Variants in SCAI observed in about 807,000 individuals in gnomAD.
The protein encoded by SCAI is protein SCAI.
A neutral mutation model predicts 92.2 loss-of-function variants in SCAI; 24 were observed. The observed-to-expected ratio is 0.26, with a 90% CI of 0.19 to 0.37. SCAI has a LOEUF of 0.37. Ranked by LOEUF, SCAI falls within the 10% of genes least tolerant of loss-of-function variation. The pLI, the probability that SCAI is intolerant of heterozygous loss-of-function variation, is 1.00. For synonymous variants in SCAI, 261 were observed against 258.6 expected, an observed-to-expected ratio of 1.01 and a Z score of -0.09; for missense variants, 450 against 736.2, an observed-to-expected ratio of 0.61 and a Z score of 4.50.
At chr9:125,022,885 C>G (rs912604686) in intron 6 of SCAI, among the ~76,000 whole-genome samples, 1 of 152,106 alleles carries the variant, frequency 6.6e-6, no homozygotes, top group Non-Finnish European at 1.5e-5. Context: ...ATTTTCCCTT[C>G]CTGCCTTTCA....
At chr9:125,077,495 C>T (rs1185633305) in intron 2 of SCAI, among the ~76,000 whole-genome samples, 1 of 152,162 alleles carries the variant, frequency 6.6e-6, no homozygotes. Context: ...CATCTGACAA[C>T]TCTATATTAA....
At chr9:124,981,634 G>A (rs977797707) in intron 14 of SCAI, among the ~76,000 whole-genome samples, 10 of 151,882 alleles carry the variant, frequency 6.6e-5, no homozygotes, top group African/African-American at 2.2e-4. Context: ...TTATCCTATC[G>A]ACATAGTTTA....
intron 5 of SCAI, 142 bp downstream of exon 5, chr9:125,028,250 A>G: frequency 1.8e-6 from 1 of 542,004 alleles, no homozygotes; most frequent in South Asian, 2.3e-5. Context: ...CATTGTCTTG[A>G]TCAATCTGGT....
chr9:125,002,175 C>A, intron 11 of SCAI, 132 bp from the exon 12 acceptor site: 1 of 651,778 alleles, frequency 1.5e-6, no homozygotes, highest in South Asian at 1.8e-5. Flanking sequence ...AGAGAAGAAA[C>A]GCTCTTCTTG....
intron 3 of SCAI, among the ~76,000 whole-genome samples, chr9:125,034,045 G>A (rs528913431): frequency 3.3e-5 from 5 of 152,202 alleles, no homozygotes; most frequent in Non-Finnish European, 5.9e-5. Flanking sequence ...GATGTGAACA[G>A]AGTCAAGGGA....
intron 9 of SCAI, 51 bp from the exon 10 acceptor site, chr9:125,003,621 A>G (rs767350471): frequency 1.8e-6 from 2 of 1,106,278 alleles, no homozygotes; most frequent in Admixed American, 3.7e-5. Context: ...CAACACGCAG[A>G]CTTTAAAGAC....
At chr9:125,048,895 G>A (rs551421909) in intron 3 of SCAI, among the ~76,000 whole-genome samples, 1 of 151,962 alleles carries the variant, frequency 6.6e-6, no homozygotes, top group Non-Finnish European at 1.5e-5. Context: ...ACAGGCATGT[G>A]ACACCACGCC....
At chr9:124,963,757 C>CAAAAAAAA in intron 17 of SCAI, among the ~76,000 whole-genome samples, 2 of 52,270 alleles carry the variant, frequency 3.8e-5, no homozygotes, top group Non-Finnish European at 6.6e-5. Context: ...GAATCTGTCT[C>CAAAAAAAA]AAAAAAAAAA....
intron 3 of SCAI, among the ~76,000 whole-genome samples, chr9:125,053,768 C>A (rs1161509430): frequency 6.6e-6 from 1 of 152,038 alleles, no homozygotes; most frequent in African/African-American, 2.4e-5. Flanking sequence ...GCAAACATAC[C>A]AAACTTTTCA....
chr9:125,003,193 C>G lies in SCAI; in HGVS notation c.986G>C (p.Arg329Thr). The change falls in exon 11 of 18, where the codon AGA becomes ACA. Residue 329 changes from arginine (R) to threonine (T), a missense_variant. Coordinates refer to ENST00000336505, the MANE Select transcript of SCAI (RefSeq NM_001144877.3). ...GMQESADKPTRRENPHKYLLY... is the reference protein window; with the variant it reads ...GMQESADKPTTRENPHKYLLY... ...CAGATACTTGTGGGGGTTTTCTCGT[C>G]TAGTAGGCTTGTCAGCTGATTCCTA... 6.2e-7 allele frequency: 1 copy of G among 1,613,652 alleles called. No individual in the cohort carries two copies.
chr9:125,138,358 C>T (rs1291493507), intron 2 of SCAI, among the ~76,000 whole-genome samples: 1 of 149,336 alleles, frequency 6.7e-6, no homozygotes, highest in South Asian at 2.1e-4. Context: ...TGGGTCCAAG[C>T]GATTCTCCTG....
intron 3 of SCAI, among the ~76,000 whole-genome samples, chr9:125,032,745 C>T (rs1473553513): frequency 6.6e-6 from 1 of 151,634 alleles, no homozygotes; most frequent in Admixed American, 6.6e-5. Context: ...TCCAAAGTAG[C>T]TGGGATTACA....
At chr9:124,961,530 A>G (rs1024683425) in intron 17 of SCAI, among the ~76,000 whole-genome samples, 1 of 151,354 alleles carries the variant, frequency 6.6e-6, no homozygotes, top group African/African-American at 2.4e-5. Flanking sequence ...CACACCTGTA[A>G]TCCCAGCTAC....
At chr9:125,136,371 C>A (rs1835527704) in intron 2 of SCAI, among the ~76,000 whole-genome samples, 1 of 151,020 alleles carries the variant, frequency 6.6e-6, no homozygotes, top group Non-Finnish European at 1.5e-5. Flanking sequence ...TCAATTAATT[C>A]ATCTTGAAGT....
At chr9:124,981,855 G>A (rs1831892938) in intron 14 of SCAI, among the ~76,000 whole-genome samples, 1 of 151,898 alleles carries the variant, frequency 6.6e-6, no homozygotes, top group Admixed American at 6.6e-5. Flanking sequence ...ATATTGCTCA[G>A]GCTAGTCTTG....
chr9:124,967,437 C>A (rs1285431826), intron 17 of SCAI, among the ~76,000 whole-genome samples: 1 of 152,174 alleles, frequency 6.6e-6, no homozygotes, highest in African/African-American at 2.4e-5. Flanking sequence ...GGCTGAACTA[C>A]GTCTAGGACC....
intron 10 of SCAI, 86 bp downstream of exon 10, chr9:125,003,383 G>A (rs1832405398): frequency 9.6e-7 from 1 of 1,041,842 alleles, no homozygotes; most frequent in Non-Finnish European, 1.5e-6. Flanking sequence ...ATTCAAGGCT[G>A]TAGTATCTGT....
chr9:124,998,308 C>A (rs1832286773), intron 13 of SCAI, among the ~76,000 whole-genome samples: 1 of 152,084 alleles, frequency 6.6e-6, no homozygotes, highest in Non-Finnish European at 1.5e-5. Flanking sequence ...AAAAAATTAG[C>A]CAGGCGTGGT....
intron 2 of SCAI, among the ~76,000 whole-genome samples, chr9:125,095,037 C>T (rs1834516612): frequency 6.6e-6 from 1 of 152,222 alleles, no homozygotes; most frequent in Admixed American, 6.5e-5. Flanking sequence ...TGTCACCCAG[C>T]TCTCCCTTCA....
Sources: allele counts gnomAD v4.1 joint callset (sites outside exome capture counted in the v4.1 genomes callset), GRCh38; gene constraint gnomAD v4.1.1; transcripts MANE v1.5; gene names NCBI Gene and HGNC (gene_info 2026-07-23, HGNC 2026-07-21).